Variants in WDR41 observed in about 807,000 individuals in gnomAD.
WDR41 encodes the protein WD repeat domain 41, also known as WD repeat-containing protein 41.
In WDR41, 63 loss-of-function variants were observed where a neutral mutation model predicts 69.3. The observed-to-expected ratio is 0.91, with a 90% CI of 0.74 to 1.12. The LOEUF (loss-of-function observed/expected upper bound fraction) is 1.12. Ranked by LOEUF, WDR41 falls within the 50% of genes most tolerant of loss-of-function variation. The probability of loss-of-function intolerance (pLI) is 0.00; values close to 1 mark genes in which losing one functional copy is unlikely to be tolerated. For synonymous variants in WDR41, 185 were observed against 192.1 expected, an observed-to-expected ratio of 0.96 and a Z score of 0.31; for missense variants, 543 against 534.5, an observed-to-expected ratio of 1.02 and a Z score of -0.16.
At chr5:77,595,379 T>C (rs1744209416) in intron 1 of WDR41, among the ~76,000 whole-genome samples, 1 of 152,152 alleles carries the variant, frequency 6.6e-6, no homozygotes, top group African/African-American at 2.4e-5. Flanking sequence ...TATAGAAAAA[T>C]GCAGGACTCC....
In WDR41 at chr5:77,438,363, T is replaced by C. The variant is rs1253626964; in HGVS notation, c.883-2A>G. 1 of 1,613,784 alleles carries C rather than the reference T, an allele frequency of 6.2e-7. No homozygotes were observed. Among genetic ancestry groups the C allele is most frequent in the Non-Finnish European group, 8.5e-7 (1 of 1,179,752 alleles). ...CCTTCCAACTGCAGCAAATACATTC[T>C]AGGGGAAGAAGTTCAGAAATGGGCA... is the stretch of plus-strand genomic sequence containing the variant. On this transcript the variant is annotated splice_acceptor_variant, in intron 9 of 12. Transcript: ENST00000296679. LOFTEE classifies it high-confidence loss of function.
chr5:77,518,907 T>C (rs983110930), intron 1 of WDR41, among the ~76,000 whole-genome samples: 3 of 152,046 alleles, frequency 2.0e-5, no homozygotes, highest in Admixed American at 1.3e-4. Context: ...TTACTAATTT[T>C]CTTTGCGACC....
intron 1 of WDR41, among the ~76,000 whole-genome samples, chr5:77,516,932 G>A (rs1418214187): frequency 6.6e-6 from 1 of 151,238 alleles, no homozygotes; most frequent in African/African-American, 2.4e-5. Flanking sequence ...CAGGAGAATC[G>A]CTCGAACTTG....
At chr5:77,545,790 G>A (rs758474569) in intron 1 of WDR41, 11 of 1,000,858 alleles carry the variant, frequency 1.1e-5, no homozygotes, top group Admixed American at 2.5e-5. Context: ...TGGCCACGTC[G>A]GTCTGGGTGT....
At chr5:77,616,474 A>C (rs1453694671) in intron 1 of WDR41, among the ~76,000 whole-genome samples, 1 of 152,224 alleles carries the variant, frequency 6.6e-6, no homozygotes, top group Non-Finnish European at 1.5e-5. Context: ...TCTGCAGGGA[A>C]CTAAGGATGC....
intron 1 of WDR41, among the ~76,000 whole-genome samples, chr5:77,536,093 T>A (rs1414743838): frequency 6.6e-6 from 1 of 152,188 alleles, no homozygotes; most frequent in Non-Finnish European, 1.5e-5. Context: ...GCTACCCTGT[T>A]TTCTTGGCTC....
intron 1 of WDR41, among the ~76,000 whole-genome samples, chr5:77,577,059 C>T (rs1022370424): frequency 1.3e-5 from 2 of 152,122 alleles, no homozygotes; most frequent in Admixed American, 1.3e-4. Flanking sequence ...AAGAAGACCA[C>T]GATTTTTCTC....
chr5:77,603,358 ATGAC>A lies in WDR41; in HGVS notation c.42+17117_42+17120del, dbSNP rs749790189. Reference sequence around the variant, plus strand: ...TTTCATATACCTGTTGGACATTTGTATGACTTCTTTTGAGAAATGTCTATTCATG... The same window carrying A: ...TTTCATATACCTGTTGGACATTTGTATTCTTTTGAGAAATGTCTATTCATG... On this transcript the variant is annotated intron_variant, in intron 1 of 5. Transcript: ENST00000509971. Among the ~76,000 whole-genome samples the A allele has an allele frequency of 2.6e-5, 4 of 152,296 alleles. No homozygotes were observed. The East Asian group carries it at 5.8e-4, about 22-fold the overall frequency.
chr5:77,469,821 C>T (rs1233791543), intron 2 of WDR41, among the ~76,000 whole-genome samples: 1 of 152,040 alleles, frequency 6.6e-6, no homozygotes, highest in Non-Finnish European at 1.5e-5. Context: ...CTGAAAGTGA[C>T]AGGGAGAATG....
At chr5:77,460,349 G>T (rs1475820598) in intron 4 of WDR41, among the ~76,000 whole-genome samples, 1 of 152,104 alleles carries the variant, frequency 6.6e-6, no homozygotes, top group Non-Finnish European at 1.5e-5. Context: ...CACTAAAACT[G>T]CTAGCATACA....
At chr5:77,497,820 T>C (rs1801957067) in intron 1 of WDR41, among the ~76,000 whole-genome samples, 1 of 152,166 alleles carries the variant, frequency 6.6e-6, no homozygotes, top group South Asian at 2.1e-4. Flanking sequence ...CTATTCACAA[T>C]AGCCAAAAGC....
intron 11 of WDR41, among the ~76,000 whole-genome samples, 166 bp downstream of exon 11, chr5:77,437,170 G>A (rs926372926): frequency 5.3e-5 from 8 of 152,180 alleles, no homozygotes; most frequent in African/African-American, 1.9e-4. Context: ...GCAGTATTAA[G>A]CTGTAAATCC....
At chr5:77,484,776 C>A (rs1801436293) in intron 2 of WDR41, among the ~76,000 whole-genome samples, 1 of 152,140 alleles carries the variant, frequency 6.6e-6, no homozygotes, top group African/African-American at 2.4e-5. Flanking sequence ...CCAATACCTG[C>A]CTTCCAGACC....
At chr5:77,493,625 G>A (rs983248648), upstream of WDR41, among the ~76,000 whole-genome samples, 7 of 152,168 alleles carry the variant, frequency 4.6e-5, no homozygotes, top group East Asian at 7.7e-4. Flanking sequence ...CCTTCTGTGT[G>A]CTAGCCCCAA....
intron 1 of WDR41, among the ~76,000 whole-genome samples, chr5:77,612,869 T>A (rs1285235258): frequency 6.6e-6 from 1 of 151,838 alleles, no homozygotes; most frequent in Admixed American, 6.6e-5. Context: ...TGTTTGCAGA[T>A]GACATGATTG....
chr5:77,582,719 G>A, intron 1 of WDR41: 7 of 1,591,384 alleles, frequency 4.4e-6, no homozygotes, highest in South Asian at 3.3e-5. Context: ...CTTCGCCTTC[G>A]TCAAATCTTC....
intron 1 of WDR41, among the ~76,000 whole-genome samples, chr5:77,540,270 G>A (rs541432005): frequency 3.3e-5 from 5 of 152,320 alleles, no homozygotes; most frequent in Admixed American, 3.3e-4. Context: ...AGCAGCAGAA[G>A]CATGAACCCC....
At chr5:77,543,309 C>G (rs1299854958) in intron 1 of WDR41, among the ~76,000 whole-genome samples, 1 of 152,060 alleles carries the variant, frequency 6.6e-6, no homozygotes, top group Admixed American at 6.6e-5. Context: ...AGAAGAAATC[C>G]CTGATTTACC....
rs1475779825 is a variant in WDR41, at chr5:77,432,202, C to T, written c.*933G>A. On this transcript the variant is annotated 3_prime_UTR_variant, in exon 13 of 13. Transcript: ENST00000296679. Reference sequence around the variant, plus strand: ...GCTAACATCTGTCACGTTGCCCTTTCTTCATCAGTAGTTTAAGAATTTCAA... The same window carrying T: ...GCTAACATCTGTCACGTTGCCCTTTTTTCATCAGTAGTTTAAGAATTTCAA... 1 of 152,188 alleles carries T rather than the reference C, an allele frequency of 6.6e-6. No homozygotes were observed. The highest frequency in any genetic ancestry group is 1.5e-5 in the Non-Finnish European group (1 of 68,028). 9.4% of individuals were successfully genotyped at this position (152,188 alleles called of 1,614,324 possible).
Sources: gnomAD v4.1 joint callset for allele counts (sites outside exome capture counted in the v4.1 genomes callset) on GRCh38, gnomAD v4.1.1 for gene constraint, MANE v1.5 for transcripts, NCBI Gene and HGNC (gene_info 2026-07-23, HGNC 2026-07-21) for gene names.